The following AFG2A variants were observed in gnomAD, a reference collection of about 807,000 sequenced individuals.
AFG2A encodes AAA ATPase AFG2A.
At chr4:123,150,084 C>G in the AFG2A span, among the ~76,000 whole-genome samples, 7 of 152,072 alleles carry the variant, frequency 4.6e-5, no homozygotes, top group Admixed American at 2.6e-4. Context: ...CCCCTTTATG[C>G]TAAAAATACT....
At chr4:123,221,798 G>A in the AFG2A span, among the ~76,000 whole-genome samples, 36 of 151,820 alleles carry the variant, frequency 2.4e-4, no homozygotes, top group African/African-American at 8.2e-4. Flanking sequence ...ATAGTGGCAC[G>A]TGCTTGTAAT....
chr4:123,075,631 G>C, the AFG2A span, among the ~76,000 whole-genome samples: 1 of 151,978 alleles, frequency 6.6e-6, no homozygotes, highest in East Asian at 1.9e-4. Flanking sequence ...GTGTGTCAGT[G>C]AGCTGTGAGC....
the AFG2A span, among the ~76,000 whole-genome samples, chr4:123,141,475 AAAAC>A: frequency 3.9e-5 from 6 of 152,274 alleles, no homozygotes; most frequent in Middle Eastern, 3.4e-3. Flanking sequence ...AAAACAAAAC[AAAAC>A]AAACAAACAA....
chr4:123,002,928 A>T, the AFG2A span, among the ~76,000 whole-genome samples: 6 of 152,258 alleles, frequency 3.9e-5, no homozygotes, highest in African/African-American at 1.4e-4. Flanking sequence ...TCTCCCCATC[A>T]CTTTCAGGTA....
the AFG2A span, among the ~76,000 whole-genome samples, chr4:123,299,160 C>T: frequency 7.3e-5 from 10 of 136,450 alleles, no homozygotes; most frequent in African/African-American, 1.1e-4. Flanking sequence ...TGTCTGTGCA[C>T]GCATGCATGT....
chr4:123,131,654 T>G, the AFG2A span, among the ~76,000 whole-genome samples: 15,632 of 152,248 alleles, frequency 0.1, 908 homozygotes, highest in Middle Eastern at 0.2. Context: ...TTATATAATG[T>G]ATCAGAATTT....
the AFG2A span, among the ~76,000 whole-genome samples, chr4:123,268,367 C>G: frequency 3.9e-5 from 6 of 151,970 alleles, no homozygotes; most frequent in African/African-American, 1.4e-4. Context: ...GAAAGTCAAA[C>G]AAAAAGACAA....
chr4:122,970,755 A>G, the AFG2A span, among the ~76,000 whole-genome samples: 23 of 152,218 alleles, frequency 1.5e-4, no homozygotes, highest in African/African-American at 5.5e-4. Flanking sequence ...TGTTTGCACA[A>G]TGACAAAATC....
At chr4:122,949,128 T>A in the AFG2A span, among the ~76,000 whole-genome samples, 27 of 152,336 alleles carry the variant, frequency 1.8e-4, no homozygotes, top group African/African-American at 6.5e-4. Flanking sequence ...TCATCAGGAA[T>A]ACATACACAA....
chr4:122,959,979 G>T, the AFG2A span, among the ~76,000 whole-genome samples: 2 of 152,032 alleles, frequency 1.3e-5, no homozygotes, highest in Admixed American at 6.5e-5. Context: ...TTTGTGATTG[G>T]GTGTGAAGCT....
chr4:123,193,621 T>A, the AFG2A span, among the ~76,000 whole-genome samples: 2 of 152,220 alleles, frequency 1.3e-5, no homozygotes, highest in African/African-American at 2.4e-5. Flanking sequence ...TGTTCTCTGG[T>A]GTACAATTAC....
chr4:123,194,425 C>T, the AFG2A span, among the ~76,000 whole-genome samples: 1 of 152,214 alleles, frequency 6.6e-6, no homozygotes, highest in African/African-American at 2.4e-5. Flanking sequence ...TCCTGAGCCA[C>T]ATGTTGGATG....
chr4:122,983,933 G>T, the AFG2A span, among the ~76,000 whole-genome samples: 4 of 152,118 alleles, frequency 2.6e-5, no homozygotes, highest in African/African-American at 9.7e-5. Context: ...GAAAAGTGGG[G>T]AGAGTACTAC....
chr4:123,009,196 C>T, the AFG2A span, among the ~76,000 whole-genome samples: 1 of 152,192 alleles, frequency 6.6e-6, no homozygotes, highest in African/African-American at 2.4e-5. Flanking sequence ...ACACTTAATT[C>T]TCCCAGCAAC....
chr4:123,041,955 A>G, the AFG2A span, among the ~76,000 whole-genome samples: 5 of 152,160 alleles, frequency 3.3e-5, no homozygotes, highest in Non-Finnish European at 1.5e-5. Flanking sequence ...CCCTCATCTT[A>G]ATTGAATATG....
chr4:122,939,674 A>G, the AFG2A span, among the ~76,000 whole-genome samples: 16 of 152,120 alleles, frequency 1.1e-4, no homozygotes, highest in East Asian at 2.7e-3. Context: ...GTACATGTGC[A>G]CAATGTGCAG....
the AFG2A span, among the ~76,000 whole-genome samples, chr4:123,059,324 C>G: frequency 8.0e-6 from 1 of 124,944 alleles, no homozygotes; most frequent in East Asian, 2.7e-4. Flanking sequence ...CCACAACAGT[C>G]CCCCGAGTGT....
chr4:123,272,243 G>A, the AFG2A span, among the ~76,000 whole-genome samples: 14 of 152,156 alleles, frequency 9.2e-5, no homozygotes, highest in African/African-American at 3.4e-4. Flanking sequence ...TTCTCTTTGT[G>A]TATGTATGTA....
At chr4:123,232,420 A>G in the AFG2A span, among the ~76,000 whole-genome samples, 1 of 152,052 alleles carries the variant, frequency 6.6e-6, no homozygotes, top group Non-Finnish European at 1.5e-5. Context: ...ACAAAGGTGT[A>G]GTTCATCTTT....
Sources: allele counts gnomAD v4.1 joint callset (sites outside exome capture counted in the v4.1 genomes callset), GRCh38; gene constraint gnomAD v4.1.1; transcripts MANE v1.5; gene names NCBI Gene and HGNC (gene_info 2026-07-23, HGNC 2026-07-21).